CALCR: variants seen among roughly 807,000 people sequenced by gnomAD.
The protein encoded by CALCR is calcitonin receptor.
Under a neutral mutation model 59.5 loss-of-function variants are expected in CALCR, and 47 were observed. That is an observed-to-expected ratio of 0.79 (90% confidence interval 0.63 to 1.01). The LOEUF (loss-of-function observed/expected upper bound fraction) is 1.01, where lower values mean the gene tolerates loss of function less well. CALCR is among the 50% of genes least tolerant of loss of function. The pLI is 0.00. For synonymous variants in CALCR, 213 were observed against 211.3 expected, an observed-to-expected ratio of 1.01 and a Z score of -0.07; for missense variants, 566 against 597.1, an observed-to-expected ratio of 0.95 and a Z score of 0.54.
chr7:93,479,850 A>T (rs1800756047), intron 3 of CALCR, among the ~76,000 whole-genome samples: 1 of 151,948 alleles, frequency 6.6e-6, no homozygotes, highest in Non-Finnish European at 1.5e-5. Flanking sequence ...TTTCCAAAAA[A>T]TACAAATATG....
rs140401685 is a variant in CALCR, at chr7:93,551,626, C to A, written c.-27+22663G>T. Among the ~76,000 whole-genome samples, 46 of 152,254 alleles carry A rather than the reference C, an allele frequency of 3.0e-4. No homozygotes were observed. The East Asian group carries it at 8.3e-3, about 27-fold the overall frequency. On this transcript the variant is annotated intron_variant, in intron 2 of 13. Transcript: ENST00000426151. ...GTAAAATCTTGTAGGAGCTTCTGGT[C>A]TACCATCCCCTGACCCTTTGGGAAA...
intron 5 of CALCR, among the ~76,000 whole-genome samples, chr7:93,476,347 C>T (rs1800665828): frequency 6.6e-6 from 1 of 151,776 alleles, no homozygotes; most frequent in Non-Finnish European, 1.5e-5. Flanking sequence ...AAACCTCTGG[C>T]ATTTCATTAA....
chr7:93,443,461 A>C (rs892390543), intron 9 of CALCR, 143 bp downstream of exon 9: 114 of 713,906 alleles, frequency 1.6e-4, no homozygotes, highest in Non-Finnish European at 2.4e-4. Flanking sequence ...TTGGAGACTG[A>C]ACTCCTGCCA....
chr7:93,492,875 G>C (rs1801115277), intron 2 of CALCR, among the ~76,000 whole-genome samples: 1 of 151,286 alleles, frequency 6.6e-6, no homozygotes, highest in South Asian at 2.1e-4. Flanking sequence ...CTCTTAGTCA[G>C]AGAAAGCACA....
At chr7:93,459,475 A>T (rs1343713700) in intron 8 of CALCR, among the ~76,000 whole-genome samples, 3 of 152,226 alleles carry the variant, frequency 2.0e-5, no homozygotes, top group African/African-American at 7.2e-5. Context: ...AATACCAGGG[A>T]CTGATATCAA....
chr7:93,526,328 A>C (rs1801876177), intron 2 of CALCR, among the ~76,000 whole-genome samples: 1 of 152,114 alleles, frequency 6.6e-6, no homozygotes, highest in Non-Finnish European at 1.5e-5. Flanking sequence ...TTACCAATAC[A>C]TCACACTGTT....
At chr7:93,461,178 C>T (rs1394337647) in intron 7 of CALCR, among the ~76,000 whole-genome samples, 1 of 152,108 alleles carries the variant, frequency 6.6e-6, no homozygotes, top group Non-Finnish European at 1.5e-5. Flanking sequence ...AGGGTGACTT[C>T]ATAAAATAAC....
chr7:93,434,591 T>C (rs1449307400), intron 12 of CALCR, among the ~76,000 whole-genome samples: 1 of 140,556 alleles, frequency 7.1e-6, no homozygotes, highest in African/African-American at 2.6e-5. Context: ...TTATGGTGAA[T>C]TTGAAAAAAA....
rs946928722 is a variant in CALCR, at chr7:93,441,983, G to A, written c.802+1621C>T. ...ACTTAAAGATGGGCATTTAGTTTCT[G>A]TGAGTGCCTGGAACAGAAACATGTG... On this transcript the variant is annotated intron_variant, in intron 9 of 13. Coordinates refer to ENST00000426151, the MANE Select transcript of CALCR (RefSeq NM_001742.4). Among the ~76,000 whole-genome samples, 6 of 152,270 alleles carry A rather than the reference G, an allele frequency of 3.9e-5. No homozygotes were observed. In the Middle Eastern group the frequency reaches 0.01, roughly 259 times the overall value.
Position 93,460,915 on chromosome 7 carries a change from T to C in CALCR, c.554A>G (p.Lys185Arg), listed in dbSNP as rs756670597. Residue 185 changes from lysine to arginine, a missense_variant, in exon 8 of 14, where the codon AAG (lysine) becomes AGG (arginine). Transcript: ENST00000426151. ...CAGAATGTAAGTAAGAAACATGTTC[T>C]TGTGCAGGGTTACCCTTTGGCAGCC... ...SLGCQRVTLH[K>R]NMFLTYILNS... is the part of the protein sequence containing the mutation. 6.2e-7 allele frequency: 1 copy of C among 1,611,734 alleles called. No individual in the cohort carries two copies.
At chr7:93,552,271 C>A (rs992915784) in intron 2 of CALCR, among the ~76,000 whole-genome samples, 2 of 152,148 alleles carry the variant, frequency 1.3e-5, no homozygotes, top group African/African-American at 4.8e-5. Flanking sequence ...CCCAGCTCAA[C>A]TTCTCAAAAC....
chr7:93,491,761 G>T (rs1052413246), intron 2 of CALCR, among the ~76,000 whole-genome samples: 3 of 151,936 alleles, frequency 2.0e-5, no homozygotes, highest in African/African-American at 7.3e-5. Flanking sequence ...ATAGATGCTG[G>T]TGAGGCTGTG....
intron 2 of CALCR, among the ~76,000 whole-genome samples, chr7:93,508,854 G>A (rs996895290): frequency 6.6e-6 from 1 of 152,096 alleles, no homozygotes; most frequent in Non-Finnish European, 1.5e-5. Context: ...TGTACCTAGT[G>A]ACCCTAGGTA....
chr7:93,465,969 G>T (rs1800433191), intron 7 of CALCR, among the ~76,000 whole-genome samples: 1 of 151,700 alleles, frequency 6.6e-6, no homozygotes, highest in African/African-American at 2.4e-5. Flanking sequence ...GACAGCTGCA[G>T]GGTTCCTCCT....
rs531703213 is a variant in CALCR at position 93,558,470 on chromosome 7, C to T, written c.-27+15819G>A. Among the ~76,000 whole-genome samples the T allele has an allele frequency of 2.2e-4, 34 of 151,964 alleles. No homozygotes were observed. In the South Asian group the frequency reaches 7.1e-3, roughly 32 times the overall value. On this transcript the variant is annotated intron_variant, in intron 2 of 13. Transcript: ENST00000426151. The stretch of plus-strand genomic sequence containing the variant: ...CACCTTTAGTGAGTTAGAAGAATGC[C>T]ATTTGAAGTAAATAGAGATTCATTG...
chr7:93,461,685 C>A (rs994395983), intron 7 of CALCR, among the ~76,000 whole-genome samples: 2 of 152,106 alleles, frequency 1.3e-5, no homozygotes, highest in Admixed American at 1.3e-4. Context: ...GTGTATTAAG[C>A]AATTTATTGG....
intron 2 of CALCR, among the ~76,000 whole-genome samples, chr7:93,571,295 C>T (rs761124533): frequency 1.6e-4 from 24 of 152,028 alleles, no homozygotes; most frequent in South Asian, 4.2e-4. Context: ...CTACTAGACA[C>T]GACATCCTTG....
intron 5 of CALCR, among the ~76,000 whole-genome samples, chr7:93,476,604 A>G (rs983121449): frequency 6.6e-6 from 1 of 151,766 alleles, no homozygotes; most frequent in African/African-American, 2.4e-5. Flanking sequence ...TGATTTTTTT[A>G]TCAAAACCTT....
chr7:93,469,123 T>A (rs888593038), intron 6 of CALCR, among the ~76,000 whole-genome samples: 5 of 151,844 alleles, frequency 3.3e-5, no homozygotes, highest in African/African-American at 1.2e-4. Context: ...GGTAGTTTTT[T>A]AACTTCTGGA....
Sources: allele counts gnomAD v4.1 joint callset (sites outside exome capture counted in the v4.1 genomes callset), GRCh38; gene constraint gnomAD v4.1.1; transcripts MANE v1.5; gene names NCBI Gene and HGNC (gene_info 2026-07-23, HGNC 2026-07-21).